ARFGEF3: variants seen among roughly 807,000 people sequenced by gnomAD.
ARFGEF3 encodes the protein brefeldin A-inhibited guanine nucleotide-exchange protein 3.
Under a neutral mutation model 221.7 loss-of-function variants are expected in ARFGEF3, and 96 were observed. The observed-to-expected ratio is 0.43, with a 90% CI of 0.37 to 0.51. ARFGEF3 has a LOEUF of 0.51. ARFGEF3 is among the 20% of genes least tolerant of loss of function. The pLI is 0.00. For missense variants in ARFGEF3, 2,410 were observed against 2,789.9 expected (o/e 0.86, Z 3.07); for synonymous variants, 1,145 against 1,126.8 (o/e 1.02, Z -0.32).
intron 2 of ARFGEF3, among the ~76,000 whole-genome samples, chr6:138,174,790 C>T (rs998483367): frequency 2.6e-5 from 4 of 151,992 alleles, no homozygotes; most frequent in African/African-American, 9.7e-5. Flanking sequence ...TTTTCTTTTG[C>T]CACTTATTTG....
At chr6:138,320,003 AAAAT>A in intron 28 of ARFGEF3, 124 bp downstream of exon 28, 3 of 790,108 alleles carry the variant, frequency 3.8e-6, no homozygotes, top group Non-Finnish European at 6.1e-6. Context: ...GGGAATTATT[AAAAT>A]AGAACAACAT....
At chr6:138,190,807 A>G (rs1308044060) in intron 2 of ARFGEF3, among the ~76,000 whole-genome samples, 1 of 152,182 alleles carries the variant, frequency 6.6e-6, no homozygotes, top group Non-Finnish European at 1.5e-5. Context: ...AACCTTTTCA[A>G]TACTTTGGCT....
Position 138,324,124 on chromosome 6 carries a change from G to A in ARFGEF3, c.4971G>A (p.Glu1657=). 4 of 1,613,788 alleles carry A rather than the reference G, an allele frequency of 2.5e-6. No homozygotes were observed. Among genetic ancestry groups the A allele is most frequent in the Non-Finnish European group, 3.4e-6 (4 of 1,179,876 alleles). ...CCTCCTCCCCAAGTGCCGAGGCCGA[G>A]TACTGGCGCATCCGAGCCATGGCCC... ...APSSSPSAEA[E]YWRIRAMAQQ... is the part of the protein sequence containing the mutation. Residue 1657 remains glutamate (E), a synonymous_variant, in exon 31 of 34, where the codon GAG becomes GAA. Coordinates refer to ENST00000251691, the MANE Select transcript of ARFGEF3 (RefSeq NM_020340.5).
At chr6:138,248,842 T>A (rs538564480) in intron 8 of ARFGEF3, among the ~76,000 whole-genome samples, 122 of 151,884 alleles carry the variant, frequency 8.0e-4, no homozygotes, top group African/African-American at 2.5e-3. Context: ...ATAAATAAAA[T>A]AAATAAGTCC....
intron 12 of ARFGEF3, among the ~76,000 whole-genome samples, chr6:138,268,085 A>G (rs1259957028): frequency 6.6e-6 from 1 of 152,042 alleles, no homozygotes; most frequent in Non-Finnish European, 1.5e-5. Context: ...TGCTTTGGCT[A>G]CCCCTTCAGC....
intron 26 of ARFGEF3, among the ~76,000 whole-genome samples, chr6:138,316,159 C>T (rs138606278): frequency 3.0e-4 from 45 of 152,014 alleles, no homozygotes; most frequent in African/African-American, 9.9e-4. Context: ...TTCTAGGAAC[C>T]CCATCTTCTA....
At chr6:138,293,532 CAGGAT>C (rs1779451784) in intron 19 of ARFGEF3, among the ~76,000 whole-genome samples, 1 of 152,220 alleles carries the variant, frequency 6.6e-6, no homozygotes, top group Non-Finnish European at 1.5e-5. Context: ...GGGGGGCTTA[CAGGAT>C]CTACTCTTAG....
intron 20 of ARFGEF3, 22 bp downstream of exon 20, chr6:138,294,148 C>A: frequency 6.2e-7 from 1 of 1,610,874 alleles, no homozygotes; most frequent in South Asian, 1.1e-5. Context: ...CCTGAATAAA[C>A]CATATGCCAG....
chr6:138,204,779 T>C (rs4896331), intron 2 of ARFGEF3, among the ~76,000 whole-genome samples: 11,212 of 152,292 alleles, frequency 0.074, 803 homozygotes, highest in East Asian at 0.37. Context: ...GCAAAACTTA[T>C]CAATGCCTAG....
chr6:138,306,953 T>TAAAAAA (rs71773390), intron 22 of ARFGEF3, among the ~76,000 whole-genome samples: 1 of 113,720 alleles, frequency 8.8e-6, no homozygotes, highest in Non-Finnish European at 1.9e-5. Flanking sequence ...TAAGGAACTC[T>TAAAAAA]AAAAAAAAAA....
chr6:138,262,996 A>G lies in ARFGEF3; in HGVS notation c.1513A>G (p.Ile505Val). Residue 505 changes from isoleucine to valine, a missense_variant, in exon 12 of 34, where the codon ATC becomes GTC. Ile to Val is a conservative substitution (Grantham distance 29, BLOSUM62 3). Transcript: ENST00000251691. ...SGNERSLDIS[I>V]SVTTDTGQTT... ...GAACGAGAGGAGCCTTGACATCAGC[A>G]TCAGTGTCACCACAGACACAGGCCA... The G allele has an allele frequency of 3.7e-6, 6 of 1,601,686 alleles. No individual in the cohort carries two copies. The highest frequency in any genetic ancestry group is 5.1e-6 in the Non-Finnish European group (6 of 1,174,224).
At chr6:138,299,291 G>A (rs1779586557) in intron 22 of ARFGEF3, among the ~76,000 whole-genome samples, 1 of 149,342 alleles carries the variant, frequency 6.7e-6, no homozygotes, top group African/African-American at 2.5e-5. Flanking sequence ...TTGAAACTAG[G>A]CAATTAAAAA....
intron 2 of ARFGEF3, among the ~76,000 whole-genome samples, chr6:138,192,551 G>A (rs1187456238): frequency 6.6e-6 from 1 of 152,154 alleles, no homozygotes; most frequent in Non-Finnish European, 1.5e-5. Context: ...CTTTCAGAAG[G>A]CAAATGGTGC....
chr6:138,298,792 G>C lies in ARFGEF3; in HGVS notation c.3828+7G>C. The C allele has an allele frequency of 3.1e-6, 5 of 1,608,100 alleles. No homozygotes were observed. Among genetic ancestry groups the C allele is most frequent in the Non-Finnish European group, 4.2e-6 (5 of 1,176,632 alleles). ...TGAGGACGTCCAAGACCAGGTCAGT[G>C]TGACATGGTCATCAGCGTCATAGCT... On this transcript the variant is annotated splice_region_variant and intron_variant, in intron 22 of 33. Transcript: ENST00000251691.
intron 2 of ARFGEF3, among the ~76,000 whole-genome samples, chr6:138,189,545 G>C (rs1777254765): frequency 6.6e-6 from 1 of 152,154 alleles, no homozygotes; most frequent in Non-Finnish European, 1.5e-5. Flanking sequence ...AGGATATATA[G>C]TATGTAATAT....
intron 4 of ARFGEF3, among the ~76,000 whole-genome samples, chr6:138,212,150 T>C (rs1268231361): frequency 6.6e-6 from 1 of 152,362 alleles, no homozygotes; most frequent in African/African-American, 2.4e-5. Flanking sequence ...AATGCTTAAA[T>C]CTAGCTAATT....
intron 2 of ARFGEF3, among the ~76,000 whole-genome samples, chr6:138,195,664 C>A (rs1211766526): frequency 6.6e-6 from 1 of 152,176 alleles, no homozygotes; most frequent in African/African-American, 2.4e-5. Context: ...CATAAAGATA[C>A]AGTAAACATC....
chr6:138,318,269 A>G (rs1358098184), intron 27 of ARFGEF3, among the ~76,000 whole-genome samples: 1 of 152,236 alleles, frequency 6.6e-6, no homozygotes, highest in African/African-American at 2.4e-5. Flanking sequence ...TTTACTCATC[A>G]GTACCATTTT....
At chr6:138,295,098 G>A (rs150916205) in intron 20 of ARFGEF3, among the ~76,000 whole-genome samples, 25 of 152,172 alleles carry the variant, frequency 1.6e-4, no homozygotes, top group Non-Finnish European at 2.6e-4. Context: ...AAAGTCTTTC[G>A]CATTGGAGAA....
Sources: gnomAD v4.1 joint callset for allele counts (sites outside exome capture counted in the v4.1 genomes callset) on GRCh38, gnomAD v4.1.1 for gene constraint, MANE v1.5 for transcripts, NCBI Gene and HGNC (gene_info 2026-07-23, HGNC 2026-07-21) for gene names.